FSD2: variants seen among roughly 807,000 people sequenced by gnomAD.
FSD2 encodes fibronectin type III and SPRY domain containing 2, also known as fibronectin type III and SPRY domain-containing protein 2.
A neutral mutation model predicts 80.4 loss-of-function variants in FSD2; 71 were observed. The observed-to-expected ratio is 0.88, with a 90% CI of 0.73 to 1.08. The LOEUF (loss-of-function observed/expected upper bound fraction) is 1.08. Among genes scored for constraint, FSD2 ranks in the 50% least tolerant of loss-of-function variants. FSD2 has a pLI of 0.00. For missense variants in FSD2, 923 were observed against 913.8 expected (o/e 1.01, Z -0.13); for synonymous variants, 361 against 329.5 (o/e 1.10, Z -1.03).
intron 1 of FSD2, among the ~76,000 whole-genome samples, chr15:82,787,843 G>T (rs1252252036): frequency 3.9e-5 from 6 of 152,062 alleles, no homozygotes; most frequent in African/African-American, 1.4e-4. Flanking sequence ...GCAGTGGCAT[G>T]ATCTCGGCTG....
At chr15:82,766,060 A>C (rs749736714) in intron 9 of FSD2, 29 bp from the exon 10 acceptor site, 1 of 1,549,894 alleles carries the variant, frequency 6.5e-7, no homozygotes, top group East Asian at 2.4e-5. Context: ...CTGCAGTCAG[A>C]ATGGGGCTAG....
intron 5 of FSD2, 53 bp from the exon 6 acceptor site, chr15:82,778,940 GTA>G: frequency 1.3e-6 from 2 of 1,599,394 alleles, no homozygotes; most frequent in South Asian, 1.1e-5. Context: ...TCTCCTTAGG[GTA>G]TATATATAGT....
intron 12 of FSD2, among the ~76,000 whole-genome samples, chr15:82,760,584 G>A (rs1181858156): frequency 2.2e-5 from 1 of 45,224 alleles, no homozygotes; most frequent in Non-Finnish European, 3.7e-5. Context: ...CTAAGCAGCT[G>A]CCAGAAGCTA....
At chr15:82,763,741 C>G (rs1386430945) in intron 11 of FSD2, among the ~76,000 whole-genome samples, 1 of 152,148 alleles carries the variant, frequency 6.6e-6, no homozygotes, top group African/African-American at 2.4e-5. Flanking sequence ...GCACTGGAAT[C>G]TTTCTGAAAT....
chr15:82,762,274 C>T lies in FSD2; in HGVS notation c.1825G>A (p.Val609Ile), dbSNP rs1567297780. 6.2e-7 allele frequency: 1 copy of T among 1,613,444 alleles called. No homozygotes were observed. The highest frequency in any genetic ancestry group is 1.7e-5 in the Admixed American group (1 of 59,966). The change falls in exon 12 of 13, where the codon GTT (valine) becomes ATT (isoleucine). Residue 609 changes from valine to isoleucine, a missense_variant. Transcript: ENST00000334574. ...GGAATTAGATTTCCCATGACAGCAA[C>T]ACACCTGGTTTTAGAAAGTGGAAGC... ...SPSDTHFTRC[V>I]AVMGNLIPVR...
rs1467564370 is a variant in FSD2 at position 82,780,229 on chromosome 15, A to G, written c.989+16T>C. On this transcript the variant is annotated intron_variant, in intron 5 of 12. Transcript: ENST00000334574. ...AAAAGTAAAAAAAGAAATACATACT[A>G]GAACAAATGTATTACCTGTCAGCCA... 27 of 1,491,674 alleles carry G rather than the reference A, an allele frequency of 1.8e-5. No homozygotes were observed. The highest frequency in any genetic ancestry group is 2.3e-5 in the Non-Finnish European group (26 of 1,111,344). 92.4% of individuals were successfully genotyped at this position (1,491,674 alleles called of 1,614,324 possible).
chr15:82,780,837 C>A (rs559247794), intron 4 of FSD2, among the ~76,000 whole-genome samples: 2 of 152,210 alleles, frequency 1.3e-5, no homozygotes, highest in Admixed American at 6.5e-5. Flanking sequence ...CATACCGTAA[C>A]AAAACCACCC....
intron 3 of FSD2, among the ~76,000 whole-genome samples, chr15:82,785,263 A>G (rs1174096162): frequency 1.3e-5 from 2 of 152,156 alleles, no homozygotes; most frequent in African/African-American, 2.4e-5. Flanking sequence ...GATCTCTCAG[A>G]AAAGTCTGGA....
chr15:82,783,687 T>G (rs535515547), intron 3 of FSD2, among the ~76,000 whole-genome samples: 69 of 152,282 alleles, frequency 4.5e-4, no homozygotes, highest in African/African-American at 1.6e-3. Flanking sequence ...TGTGGAAATA[T>G]TTTCCCTGAG....
intron 9 of FSD2, among the ~76,000 whole-genome samples, chr15:82,766,755 A>G (rs191763047): frequency 0.042 from 6,240 of 149,796 alleles, 188 homozygotes; most frequent in Middle Eastern, 0.08. Flanking sequence ...AAAAAAAAAA[A>G]GGTCCTTGAT....
At position 82,800,691 on chromosome 15, in the gene FSD2, C is replaced by CAAAATAAAAAAAAAAAAA. The variant is rs2050390170; in HGVS notation, c.-79+5274_-79+5275insTTTTTTTTTTTTTATTTT. 4.2e-5 allele frequency among the ~76,000 whole-genome samples: 2 copies of CAAAATAAAAAAAAAAAAA among 47,828 alleles called. 1 individual carries two copies. The highest frequency in any genetic ancestry group is 7.0e-5 in the Non-Finnish European group (2 of 28,678). The allele number at this position is 47,828 out of a possible 152,430, so 31.4% of individuals were successfully genotyped here. A position where few individuals can be genotyped will look rare whatever the true frequency, so the allele number is the denominator to read the frequency against. The stretch of plus-strand genomic sequence containing the variant: ...TGGGGGATAGAGCGAGATTCTGTCT[C>CAAAATAAAAAAAAAAAAA]AAAAAAAAAAAAAAAAAAAAAAGCC... On this transcript the variant is annotated intron_variant, in intron 1 of 12. Coordinates refer to ENST00000334574, the MANE Select transcript of FSD2 (RefSeq NM_001007122.4).
At position 82,780,891 on chromosome 15, in the gene FSD2, C is replaced by T. The variant is rs571725215; in HGVS notation, c.967-624G>A. ...TTCCATACCACAGTACTGCTTTTCC[C>T]CATCAACTTTGTCATGTGCCTGTGG... On this transcript the variant is annotated intron_variant, in intron 4 of 12. Coordinates refer to ENST00000334574, the MANE Select transcript of FSD2 (RefSeq NM_001007122.4). 3.4e-4 allele frequency among the ~76,000 whole-genome samples: 52 copies of T among 152,206 alleles called. No homozygotes were observed. The South Asian group carries it at 9.8e-3, about 29-fold the overall frequency.
At position 82,786,867 on chromosome 15, in the gene FSD2, G is replaced by A. The variant is rs368490297; in HGVS notation, c.524C>T (p.Ala175Val). Residue 175 changes from alanine to valine, a missense_variant, in exon 2 of 13, where the codon GCT becomes GTT. Transcript: ENST00000334574. ...VIPEEEDEEE[A>V]ADVFCVTCKT... Reference sequence around the variant, plus strand: ...ACAAGTGACACAGAAGACATCAGCAGCTTCTTCTTCATCCTCTTCCTCGGG... The same window carrying A: ...ACAAGTGACACAGAAGACATCAGCAACTTCTTCTTCATCCTCTTCCTCGGG... The A allele has an allele frequency of 3.1e-6, 5 of 1,613,884 alleles. No homozygotes were observed. Among genetic ancestry groups the A allele is most frequent in the Non-Finnish European group, 3.4e-6 (4 of 1,179,892 alleles).
Position 82,759,209 on chromosome 15 carries a change from A to G in FSD2, c.*139T>C. 1.1e-6 allele frequency: 1 copy of G among 923,222 alleles called. No homozygotes were observed. The highest frequency in any genetic ancestry group is 1.6e-6 in the Non-Finnish European group (1 of 629,800). The allele number at this position is 923,222 out of a possible 1,614,324, so 57.2% of individuals were successfully genotyped here. ...ATCCAGGTTGGGTGAAATGAGCGCT[A>G]GCACACCAGTCAGATAATAGCATGA... is the stretch of plus-strand genomic sequence containing the variant. On this transcript the variant is annotated 3_prime_UTR_variant, in exon 13 of 13. Transcript: ENST00000334574.
At chr15:82,775,728 A>C (rs2049700916) in intron 6 of FSD2, among the ~76,000 whole-genome samples, 1 of 152,154 alleles carries the variant, frequency 6.6e-6, no homozygotes, top group South Asian at 2.1e-4. Flanking sequence ...GTGTAAAGTT[A>C]GGTTGTTTAT....
chr15:82,789,168 A>C (rs2050079130), intron 1 of FSD2, among the ~76,000 whole-genome samples: 1 of 152,082 alleles, frequency 6.6e-6, no homozygotes, highest in African/African-American at 2.4e-5. Context: ...GATTAGGAGA[A>C]GGGCTAAGTA....
At chr15:82,785,870 G>A (rs1032948151) in intron 3 of FSD2, among the ~76,000 whole-genome samples, 2 of 151,984 alleles carry the variant, frequency 1.3e-5, no homozygotes, top group African/African-American at 4.8e-5. Flanking sequence ...ATAGCAACCC[G>A]GGGATTCTCA....
intron 1 of FSD2, among the ~76,000 whole-genome samples, chr15:82,802,183 G>A (rs1305231325): frequency 6.6e-6 from 1 of 152,176 alleles, no homozygotes; most frequent in Non-Finnish European, 1.5e-5. Context: ...CTAGGGCACA[G>A]CTTCTTCTCA....
intron 9 of FSD2, among the ~76,000 whole-genome samples, chr15:82,767,170 G>A (rs2049442359): frequency 6.6e-6 from 1 of 152,216 alleles, no homozygotes; most frequent in African/African-American, 2.4e-5. Context: ...CAGTCTAGAT[G>A]GGAAGAGCAG....
Sources: gnomAD v4.1 joint callset for allele counts (sites outside exome capture counted in the v4.1 genomes callset) on GRCh38, gnomAD v4.1.1 for gene constraint, MANE v1.5 for transcripts, NCBI Gene and HGNC (gene_info 2026-07-23, HGNC 2026-07-21) for gene names.